The following LATS2 variants were observed in gnomAD, a reference collection of about 807,000 sequenced individuals.
The protein encoded by LATS2 is large tumor suppressor kinase 2.
Under a neutral mutation model 76.0 loss-of-function variants are expected in LATS2, and 24 were observed. That is an observed-to-expected ratio of 0.32 (90% CI 0.23 to 0.44). The LOEUF (loss-of-function observed/expected upper bound fraction) is 0.44, where lower values mean the gene tolerates loss of function less well. Among genes scored for constraint, LATS2 ranks in the 20% least tolerant of loss-of-function variants. The pLI is 1.00. For missense variants in LATS2, 1,286 were observed against 1,481.2 expected (o/e 0.87, Z 2.16); for synonymous variants, 692 against 635.4 (o/e 1.09, Z -1.34).
In LATS2 at chr13:20,981,546, C is replaced by T. The variant is rs747591469; in HGVS notation, c.2585G>A (p.Arg862Gln). ...DRLKTLEQRA[R>Q]KQHQRCLAHS... ...TGCCAGGCACCTCTGGTGCTGCTTC[C>T]GCGCCCTCTGCTCTAGGGTCTTCAG... is the stretch of plus-strand genomic sequence containing the variant. Residue 862 changes from arginine to glutamine, a missense_variant, in exon 6 of 8, where the codon CGG becomes CAG. Coordinates refer to ENST00000382592, the MANE Select transcript of LATS2 (RefSeq NM_014572.3). 42 of 1,614,056 alleles carry T rather than the reference C, an allele frequency of 2.6e-5. No homozygotes were observed. The highest frequency in any genetic ancestry group is 3.3e-5 in the Non-Finnish European group (39 of 1,180,032).
chr13:21,000,378 C>CATA (rs746861687), intron 2 of LATS2, among the ~76,000 whole-genome samples: 5,825 of 150,696 alleles, frequency 0.039, 158 homozygotes, highest in East Asian at 0.075. Flanking sequence ...AAGACTCTGT[C>CATA]ATAATAATAA....
intron 2 of LATS2, among the ~76,000 whole-genome samples, chr13:21,044,990 G>A (rs1184862280): frequency 2.0e-5 from 3 of 152,094 alleles, no homozygotes; most frequent in Non-Finnish European, 4.4e-5. Context: ...GCCTCCCAAA[G>A]TGCTGGGATT....
chr13:20,995,889 G>A (rs750529314), intron 2 of LATS2, among the ~76,000 whole-genome samples: 8 of 152,196 alleles, frequency 5.3e-5, no homozygotes, highest in Non-Finnish European at 1.0e-4. Flanking sequence ...ACAGAGTAAT[G>A]TGGTAGGCTA....
At chr13:21,056,354 C>T (rs921554801) in intron 1 of LATS2, among the ~76,000 whole-genome samples, 1 of 152,076 alleles carries the variant, frequency 6.6e-6, no homozygotes, top group Admixed American at 6.6e-5. Context: ...ATCACTTCTA[C>T]ATAAGCTTAC....
chr13:20,979,641 A>G, intron 7 of LATS2, 50 bp downstream of exon 7: 2 of 1,008,316 alleles, frequency 2.0e-6, no homozygotes, highest in Non-Finnish European at 3.1e-6. Flanking sequence ...TGGGTACATG[A>G]GCAAATCAGA....
Position 20,975,238 on chromosome 13 carries a change from G to C in LATS2, c.2899C>G (p.Leu967Val), listed in dbSNP as rs1008485625. The change falls in exon 8 of 8, where the codon CTG becomes GTG. Residue 967 changes from leucine (L) to valine (V), a missense_variant. By Grantham distance (32) the Leu-to-Val change is conservative. Coordinates refer to ENST00000382592, the MANE Select transcript of LATS2 (RefSeq NM_014572.3). ...GCGCTGAAGAAGGGGTGGGCCTTCA[G>C]GTCATCGGCCCCATTCCGCCCCAGG... Reference protein sequence around the residue: ...HRLGRNGADDLKAHPFFSAID... With the variant: ...HRLGRNGADDVKAHPFFSAID... The C allele has an allele frequency of 1.2e-6, 2 of 1,614,238 alleles. No individual in the cohort carries two copies. Among genetic ancestry groups the C allele is most frequent in the Admixed American group, 3.3e-5 (2 of 60,030 alleles).
chr13:21,027,505 A>G (rs1264201037), intron 2 of LATS2, among the ~76,000 whole-genome samples: 2 of 152,192 alleles, frequency 1.3e-5, no homozygotes, highest in Non-Finnish European at 2.9e-5. Context: ...TTGAATTTTC[A>G]TGGTACTTGT....
At chr13:20,996,820 G>C (rs1322451060) in intron 2 of LATS2, among the ~76,000 whole-genome samples, 2 of 152,206 alleles carry the variant, frequency 1.3e-5, no homozygotes, top group Non-Finnish European at 2.9e-5. Flanking sequence ...ATAAGAGTCT[G>C]ACGGGCTCTT....
chr13:20,993,323 C>T (rs1163383151), intron 2 of LATS2, among the ~76,000 whole-genome samples: 4 of 152,228 alleles, frequency 2.6e-5, no homozygotes, highest in Admixed American at 2.0e-4. Flanking sequence ...CCCCTTAACA[C>T]AGTGCCTAGA....
chr13:20,993,503 A>G (rs1468909649), intron 2 of LATS2, among the ~76,000 whole-genome samples: 3 of 152,116 alleles, frequency 2.0e-5, no homozygotes, highest in Non-Finnish European at 2.9e-5. Context: ...AAGGGGCTGC[A>G]GAGGAGCACG....
chr13:20,999,621 A>C (rs1215079244), intron 2 of LATS2, among the ~76,000 whole-genome samples: 1 of 152,028 alleles, frequency 6.6e-6, no homozygotes, highest in Non-Finnish European at 1.5e-5. Flanking sequence ...TGCTTGGCTA[A>C]TTTTTTAAAA....
intron 2 of LATS2, among the ~76,000 whole-genome samples, chr13:21,001,386 C>G (rs537553766): frequency 6.6e-6 from 1 of 152,338 alleles, no homozygotes; most frequent in East Asian, 1.9e-4. Context: ...GTACGGGCTG[C>G]AGCCCCCAGT....
At chr13:20,987,405 A>C (rs1870205388) in intron 4 of LATS2, among the ~76,000 whole-genome samples, 2 of 152,330 alleles carry the variant, frequency 1.3e-5, no homozygotes, top group South Asian at 4.1e-4. Flanking sequence ...GTGTCAACTA[A>C]GGTATATTTA....
At chr13:21,000,859 T>C (rs1454511811) in intron 2 of LATS2, among the ~76,000 whole-genome samples, 3 of 152,236 alleles carry the variant, frequency 2.0e-5, no homozygotes, top group Non-Finnish European at 4.4e-5. Context: ...GTTATGTCTC[T>C]TAGTAACTAT....
Position 20,991,484 on chromosome 13 carries a change from T to G in LATS2, c.343-80A>C. 3.3e-6 allele frequency: 5 copies of G among 1,526,812 alleles called. No homozygotes were observed. The highest frequency in any genetic ancestry group is 4.5e-6 in the Non-Finnish European group (5 of 1,110,960). The allele number at this position is 1,526,812 out of a possible 1,614,324, so 94.6% of individuals were successfully genotyped here. On this transcript the variant is annotated intron_variant, in intron 2 of 7. Transcript: ENST00000382592. This position sits in a 1 kb window ranked among gnomAD's most constrained non-coding sequence, Gnocchi z 4.9. ...AAAGACTCCCATCCCCACTCCGTGC[T>G]GGACTGTGCTGGGACACTTCGCCTC...
chr13:20,980,665 A>G (rs1215186705), intron 6 of LATS2, among the ~76,000 whole-genome samples: 1 of 152,214 alleles, frequency 6.6e-6, no homozygotes, highest in Non-Finnish European at 1.5e-5. Flanking sequence ...TTCACTGGGC[A>G]CCAAGGTTAT....
rs767081472 is a variant in LATS2, at chr13:20,988,913, C to T, written c.867G>A (p.Leu289=). Residue 289 remains leucine, a synonymous_variant, in exon 4 of 8, where the codon CTG becomes CTA. Coordinates refer to ENST00000382592, the MANE Select transcript of LATS2 (RefSeq NM_014572.3). The part of the protein sequence containing the change: ...TPPETGGYAS[L]PTKGQGGPPG... The stretch of plus-strand genomic sequence containing the variant: ...GCGGTCCTCCCTGGCCCTTCGTGGG[C>T]AGGCTGGCGTAACCCCCGGTCTCCG... 1.2e-5 allele frequency: 18 copies of T among 1,525,570 alleles called. No individual in the cohort carries two copies. The East Asian group carries it at 3.6e-4, about 31-fold the overall frequency. The allele number at this position is 1,525,570 out of a possible 1,614,324, so 94.5% of individuals were successfully genotyped here.
rs760203072 is a variant in LATS2, at chr13:20,975,252, T to A, written c.2885A>T (p.Asn962Ile). The A allele has an allele frequency of 3.1e-6, 5 of 1,614,192 alleles. No homozygotes were observed. In the South Asian group the frequency reaches 5.5e-5, roughly 18 times the overall value. The change falls in exon 8 of 8, where the codon AAT (asparagine) becomes ATT (isoleucine). Residue 962 changes from asparagine (N) to isoleucine (I), a missense_variant. This residue lies in a region of LATS2 where 210 missense variants were observed against 234.9 expected (regional missense o/e 0.89). Transcript: ENST00000382592. The stretch of plus-strand genomic sequence containing the variant: ...GTGGGCCTTCAGGTCATCGGCCCCA[T>A]TCCGCCCCAGGCGGTGGTCTGCGGA... ...CCSADHRLGR[N>I]GADDLKAHPF...
In LATS2 at chr13:20,988,754, G is replaced by A. The variant is rs1163214266; in HGVS notation, c.1026C>T (p.Ser342=). Residue 342 remains serine, a synonymous_variant, in exon 4 of 8, where the codon AGC becomes AGT. Coordinates refer to ENST00000382592, the MANE Select transcript of LATS2 (RefSeq NM_014572.3). ...GSRSQVFASD[S]PPQSLLTPSR... ...AGGGAGTGAGCAGGCTCTGCGGGGG[G>A]CTGTCGCTGGCGAACACCTGGCTGC... 7 of 1,578,584 alleles carry A rather than the reference G, an allele frequency of 4.4e-6. No individual in the cohort carries two copies. In the East Asian group the frequency reaches 9.0e-5, roughly 20 times the overall value.
Sources: gnomAD v4.1 joint callset for allele counts (sites outside exome capture counted in the v4.1 genomes callset) on GRCh38, gnomAD v4.1.1 for gene constraint, gnomAD v4.1.1 regional missense constraint, Gnocchi (gnomAD v3.1) non-coding constraint, MANE v1.5 for transcripts, NCBI Gene and HGNC (gene_info 2026-07-23, HGNC 2026-07-21) for gene names.